Variants in C2orf42 observed in about 807,000 individuals in gnomAD.
C2orf42 encodes the protein uncharacterized protein C2orf42.
A neutral mutation model predicts 58.9 loss-of-function variants in C2orf42; 44 were observed. The observed-to-expected ratio is 0.75, with a 90% CI of 0.59 to 0.96. The LOEUF (loss-of-function observed/expected upper bound fraction) is 0.96, where lower values mean the gene tolerates loss of function less well. Ranked by LOEUF, C2orf42 falls within the 40% of genes least tolerant of loss-of-function variation. The pLI, the probability that C2orf42 is intolerant of heterozygous loss-of-function variation, is 0.00. For synonymous variants in C2orf42, 239 were observed against 265.4 expected (o/e 0.90, Z 0.97); for missense variants, 630 against 699.2 (o/e 0.90, Z 1.12).
intron 8 of C2orf42, among the ~76,000 whole-genome samples, chr2:70,163,943 G>A (rs1673225926): frequency 1.3e-5 from 2 of 151,874 alleles, no homozygotes; most frequent in Non-Finnish European, 2.9e-5. Context: ...GCCAAGATGG[G>A]AGGACTGCTT....
At position 70,150,414 on chromosome 2, in the gene C2orf42, C is replaced by T. The variant is rs1308074528; in HGVS notation, c.1667G>A (p.Arg556Gln). ...NGHVAEYQDQ[R>Q]PPLDQPLELA... ...TTCCAAGGGCTGGTCCAAGGGGGGC[C>T]GCTGGTCTTGGTACTCCGCCACATG... The change falls in exon 10 of 10, where the codon CGG (arginine) becomes CAG (glutamine). Residue 556 changes from arginine to glutamine, a missense_variant. Coordinates refer to ENST00000264434, the MANE Select transcript of C2orf42 (RefSeq NM_017880.3). 8 of 1,614,032 alleles carry T rather than the reference C, an allele frequency of 5.0e-6. No homozygotes were observed. Among genetic ancestry groups the T allele is most frequent in the East Asian group, 2.2e-5 (1 of 44,886 alleles).
rs1257777160 is a variant in C2orf42, at chr2:70,151,564, G to A, written c.1517-1000C>T. On this transcript the variant is annotated intron_variant, in intron 9 of 9. Coordinates refer to ENST00000264434, the MANE Select transcript of C2orf42 (RefSeq NM_017880.3). ...CAGAAGAATCGCCTGAACCCAGGAG[G>A]TGGAGGCTTCAGTGAGCCAAGATCG... Among the ~76,000 whole-genome samples the A allele has an allele frequency of 5.3e-5, 8 of 151,848 alleles. No individual in the cohort carries two copies. The East Asian group carries it at 1.6e-3, about 30-fold the overall frequency.
chr2:70,190,613 A>C (rs1290185284), intron 1 of C2orf42: 1 of 152,174 alleles, frequency 6.6e-6, no homozygotes, highest in African/African-American at 2.4e-5. Flanking sequence ...ATCAGCCCTC[A>C]ACGGCCTCGG....
At chr2:70,157,454 AAAACAAAC>A (rs140409034) in intron 9 of C2orf42, among the ~76,000 whole-genome samples, 10 of 150,186 alleles carry the variant, frequency 6.7e-5, no homozygotes, top group African/African-American at 9.9e-5. Flanking sequence ...CTCCCGTCTC[AAAACAAAC>A]AAACAAACAA....
In C2orf42 at chr2:70,190,988, C is replaced by T. The variant is rs1206609634; in HGVS notation, c.-297G>A. The T allele has an allele frequency of 6.5e-6, 1 of 152,688 alleles. No individual in the cohort carries two copies. The highest frequency in any genetic ancestry group is 1.5e-5 in the Non-Finnish European group (1 of 68,394). 9.5% of individuals were successfully genotyped at this position (152,688 alleles called of 1,614,324 possible). On this transcript the variant is annotated 5_prime_UTR_variant, in exon 1 of 10. Coordinates refer to ENST00000264434, the MANE Select transcript of C2orf42 (RefSeq NM_017880.3). ...CCGCCCTCACCTCTTCTCTCTTCGC[C>T]TGCCGCGGCCTTTTACAAACGGGGC...
At chr2:70,156,750 T>C (rs574641566) in intron 9 of C2orf42, among the ~76,000 whole-genome samples, 2 of 151,640 alleles carry the variant, frequency 1.3e-5, no homozygotes, top group East Asian at 3.9e-4. Context: ...TAGTCCCAGC[T>C]ACTCAGGAGG....
At chr2:70,189,406 C>CAAAAAAAAAAA (rs1182514916) in intron 1 of C2orf42, among the ~76,000 whole-genome samples, 2 of 27,142 alleles carry the variant, frequency 7.4e-5, no homozygotes, top group Admixed American at 7.6e-4. Context: ...AACTCCATCT[C>CAAAAAAAAAAA]AAAAAAAAAA....
chr2:70,189,406 C>CAAAAAAAAAA (rs1182514916), intron 1 of C2orf42, among the ~76,000 whole-genome samples: 32 of 27,140 alleles, frequency 1.2e-3, no homozygotes, highest in African/African-American at 2.9e-3. Flanking sequence ...AACTCCATCT[C>CAAAAAAAAAA]AAAAAAAAAA....
chr2:70,158,867 C>T (rs1453686091), intron 9 of C2orf42, among the ~76,000 whole-genome samples: 1 of 150,076 alleles, frequency 6.7e-6, no homozygotes, highest in East Asian at 2.0e-4. Flanking sequence ...GCTGGGATTA[C>T]AGGCATGAGC....
chr2:70,168,840 G>A lies in C2orf42; in HGVS notation c.1144+717C>T, dbSNP rs112779804. Among the ~76,000 whole-genome samples, 835 of 151,384 alleles carry A rather than the reference G, an allele frequency of 5.5e-3. 10 individuals are homozygous for A. The highest frequency in any genetic ancestry group is 0.021 in the Middle Eastern group (6 of 290). On this transcript the variant is annotated intron_variant, in intron 6 of 9. Transcript: ENST00000264434. ...CAATTCTCCCACCTCAGCCTCCCAG[G>A]TATTTGGGACTACAGGCACCCACTA...
At chr2:70,176,111 G>A (rs1054609134) in intron 4 of C2orf42, among the ~76,000 whole-genome samples, 1 of 152,138 alleles carries the variant, frequency 6.6e-6, no homozygotes, top group Non-Finnish European at 1.5e-5. Flanking sequence ...AAGTAGTTGT[G>A]ATTTTACCAG....
At chr2:70,152,597 GC>G (rs1419646491) in intron 9 of C2orf42, among the ~76,000 whole-genome samples, 1 of 152,150 alleles carries the variant, frequency 6.6e-6, no homozygotes, top group African/African-American at 2.4e-5. Context: ...CACTGTTTGT[GC>G]CCTGGCTAGT....
intron 9 of C2orf42, among the ~76,000 whole-genome samples, chr2:70,154,745 T>TTTTTG (rs553263180): frequency 0.012 from 1,850 of 151,976 alleles, 35 homozygotes; most frequent in African/African-American, 0.041. Context: ...GAATCAAAGT[T>TTTTTG]TTTTGTTTTG....
At chr2:70,167,798 C>T (rs1170455525) in intron 6 of C2orf42, among the ~76,000 whole-genome samples, 3 of 151,720 alleles carry the variant, frequency 2.0e-5, no homozygotes, top group Admixed American at 6.6e-5. Context: ...AGTCAAGGAG[C>T]GAGCTGATGG....
At chr2:70,179,195 A>G (rs1220889407) in intron 4 of C2orf42, among the ~76,000 whole-genome samples, 1 of 152,152 alleles carries the variant, frequency 6.6e-6, no homozygotes, top group Non-Finnish European at 1.5e-5. Flanking sequence ...TAAGGGATCA[A>G]ACTTTTAGCT....
chr2:70,173,647 C>T (rs747203675), intron 5 of C2orf42, among the ~76,000 whole-genome samples: 75 of 151,894 alleles, frequency 4.9e-4, no homozygotes, highest in Non-Finnish European at 9.6e-4. Flanking sequence ...TTATTTTAGA[C>T]AAGATTTCAT....
chr2:70,177,261 G>T (rs893714522), intron 4 of C2orf42, among the ~76,000 whole-genome samples: 2 of 148,632 alleles, frequency 1.3e-5, no homozygotes, highest in Non-Finnish European at 3.0e-5. Flanking sequence ...AACAAGAGCC[G>T]AACTCCACCT....
chr2:70,155,254 ATAAAAAGAAGG>A (rs1672589173), intron 9 of C2orf42, among the ~76,000 whole-genome samples: 2 of 152,118 alleles, frequency 1.3e-5, no homozygotes, highest in South Asian at 2.1e-4. Flanking sequence ...AAAATAAAAA[ATAAAAAGAAGG>A]TAAAAAGAAG....
Position 70,179,476 on chromosome 2 carries a change from C to T in C2orf42, c.934+56G>A, listed in dbSNP as rs184374033. The T allele has an allele frequency of 2.1e-3, 1,257 of 610,824 alleles. 2 individuals are homozygous for T. The highest frequency in any genetic ancestry group is 2.9e-3 in the Non-Finnish European group (970 of 333,058). The allele number at this position is 610,824 out of a possible 1,614,324, so 37.8% of individuals were successfully genotyped here. A position where few individuals can be genotyped will look rare whatever the true frequency, so the allele number is the denominator to read the frequency against. Reference sequence around the variant, plus strand: ...CTGAGGTTCAGTCAAAGACATAAAACGCAGTAAAACAATCTCTAAAGACAA... The same window carrying T: ...CTGAGGTTCAGTCAAAGACATAAAATGCAGTAAAACAATCTCTAAAGACAA... On this transcript the variant is annotated intron_variant, in intron 4 of 9. Transcript: ENST00000264434.
Sources: allele counts gnomAD v4.1 joint callset (sites outside exome capture counted in the v4.1 genomes callset), GRCh38; gene constraint gnomAD v4.1.1; transcripts MANE v1.5; gene names NCBI Gene and HGNC (gene_info 2026-07-23, HGNC 2026-07-21).